The following PLXNA1 variants were observed in gnomAD, a reference collection of about 807,000 sequenced individuals.
PLXNA1 encodes the protein plexin A1.
A neutral mutation model predicts 191.7 loss-of-function variants in PLXNA1; 77 were observed. That is an observed-to-expected ratio of 0.40 (90% confidence interval 0.33 to 0.49). The LOEUF is 0.49. Ranked by LOEUF, PLXNA1 falls within the 20% of genes least tolerant of loss-of-function variation. The probability of loss-of-function intolerance (pLI) is 0.63; values close to 1 mark genes in which losing one functional copy is unlikely to be tolerated. For synonymous variants in PLXNA1, 1,137 were observed against 1,156.4 expected (o/e 0.98, Z 0.34); for missense variants, 2,110 against 2,660.2 (o/e 0.79, Z 4.55).
At chr3:127,023,576 G>T (rs550332891) in intron 23 of PLXNA1, among the ~76,000 whole-genome samples, 1 of 152,190 alleles carries the variant, frequency 6.6e-6, no homozygotes, top group Non-Finnish European at 1.5e-5. Context: ...GAGGGTGGGA[G>T]CTGGCACTGA....
intron 8 of PLXNA1, among the ~76,000 whole-genome samples, chr3:127,006,778 A>G (rs1045303805): frequency 2.0e-5 from 3 of 152,054 alleles, no homozygotes; most frequent in African/African-American, 7.2e-5. Context: ...GGCAGCTGCT[A>G]TGCCTGCTGC....
intron 3 of PLXNA1, among the ~76,000 whole-genome samples, chr3:126,997,764 G>A (rs990209012): frequency 1.3e-5 from 2 of 152,232 alleles, no homozygotes; most frequent in Admixed American, 6.5e-5. Context: ...CATAAGCATC[G>A]CTTCTGCTTC....
rs748029826 is a variant in PLXNA1 at position 127,014,201 on chromosome 3, G to A, written c.2430G>A (p.Pro810=). The change falls in exon 12 of 32, where the codon CCG becomes CCA. Residue 810 remains proline (P), a synonymous_variant. Coordinates refer to ENST00000393409, the MANE Select transcript of PLXNA1 (RefSeq NM_032242.4). The stretch of plus-strand genomic sequence containing the variant: ...CCACAGCGCACCTCTACAAGTGCCC[G>A]GCCCTGCGCGAGAGCTGCGGCCTCT... ...QNIQAHLYKC[P]ALRESCGLCL... The A allele has an allele frequency of 9.3e-6, 15 of 1,608,818 alleles. No individual in the cohort carries two copies. Among genetic ancestry groups the A allele is most frequent in the Middle Eastern group, 1.6e-4 (1 of 6,078 alleles).
intron 30 of PLXNA1, 35 bp downstream of exon 30, chr3:127,032,634 C>CTG (rs773856651): frequency 6.2e-7 from 1 of 1,609,806 alleles, no homozygotes; most frequent in Non-Finnish European, 8.5e-7. Context: ...GGGCAGGGGC[C>CTG]CGGGGGCAGC....
At chr3:127,017,078 TC>T (rs1298983051) in intron 17 of PLXNA1, 41 bp downstream of exon 17, 56 of 1,519,622 alleles carry the variant, frequency 3.7e-5, no homozygotes, top group Non-Finnish European at 4.9e-5. Flanking sequence ...GTCCAGGCCT[TC>T]ACCTGGGATG....
At chr3:126,996,323 A>G (rs906995554) in intron 3 of PLXNA1, among the ~76,000 whole-genome samples, 1 of 151,902 alleles carries the variant, frequency 6.6e-6, no homozygotes, top group African/African-American at 2.4e-5. Flanking sequence ...CCTGCCCCCT[A>G]GAGGCCCCAC....
intron 1 of PLXNA1, among the ~76,000 whole-genome samples, chr3:126,987,943 C>T (rs1046171006): frequency 2.6e-5 from 4 of 151,918 alleles, no homozygotes; most frequent in Non-Finnish European, 5.9e-5. Flanking sequence ...GCCTCCATGT[C>T]CTCCGTGGTG....
rs772380853 is a variant in PLXNA1 at position 127,022,107 on chromosome 3, C to T, written c.4061C>T (p.Ser1354Leu). The change falls in exon 22 of 32, where the codon TCG becomes TTG. Residue 1354 changes from serine to leucine, a missense_variant. Ser to Leu is a moderately radical substitution (Grantham distance 145). Coordinates refer to ENST00000393409, the MANE Select transcript of PLXNA1 (RefSeq NM_032242.4). ...EMEVQANVEK[S>L]LTLFGQLLTK... ...CAGGTGCAGGCCAATGTGGAGAAGT[C>T]GCTGACACTGTTCGGGCAGCTGCTG... 7.4e-6 allele frequency: 12 copies of T among 1,612,952 alleles called. No homozygotes were observed. Among genetic ancestry groups the T allele is most frequent in the Non-Finnish European group, 8.5e-6 (10 of 1,179,890 alleles).
rs1241207176 is a variant in PLXNA1 at position 127,014,841 on chromosome 3, C to T, written c.2877+10C>T. On this transcript the variant is annotated intron_variant, in intron 14 of 31. Coordinates refer to ENST00000393409, the MANE Select transcript of PLXNA1 (RefSeq NM_032242.4). ...GCGCTTCACCTTCGTGGTGAGTCTG[C>T]TGCCCTCCCTCTCTCCCTATTCTCT... 1 of 1,609,798 alleles carries T rather than the reference C, an allele frequency of 6.2e-7. No individual in the cohort carries two copies. Among genetic ancestry groups the T allele is most frequent in the Non-Finnish European group, 8.5e-7 (1 of 1,178,498 alleles).
At chr3:126,995,908 G>A (rs895185013) in intron 3 of PLXNA1, among the ~76,000 whole-genome samples, 1 of 152,170 alleles carries the variant, frequency 6.6e-6, no homozygotes, top group East Asian at 1.9e-4. Context: ...AGCTGACCCC[G>A]ATGAGCCATC....
chr3:127,024,739 G>A (rs141891197), intron 23 of PLXNA1, among the ~76,000 whole-genome samples: 20 of 152,284 alleles, frequency 1.3e-4, no homozygotes, highest in Non-Finnish European at 1.3e-4. Context: ...CGTACTGGGC[G>A]CAAGGACATG....
At position 127,034,049 on chromosome 3, in the gene PLXNA1, CG is replaced by C; in HGVS notation, c.*33del. ...GCTGTGATCATCCAGCATGATGCAG[CG>C]TGAGGACAGCTGAGCAGGGACCGGG... On this transcript the variant is annotated 3_prime_UTR_variant, in exon 32 of 32. Transcript: ENST00000393409. The C allele has an allele frequency of 6.4e-7, 1 of 1,551,310 alleles. No individual in the cohort carries two copies.
intron 3 of PLXNA1, among the ~76,000 whole-genome samples, chr3:126,992,022 A>G (rs754561215): frequency 6.6e-6 from 1 of 152,042 alleles, no homozygotes; most frequent in Non-Finnish European, 1.5e-5. Context: ...CAGCCCCTCT[A>G]CTGGGCCAAG....
At chr3:126,997,021 T>C (rs2079018085) in intron 3 of PLXNA1, among the ~76,000 whole-genome samples, 2 of 152,198 alleles carry the variant, frequency 1.3e-5, no homozygotes, top group South Asian at 2.1e-4. Context: ...GTGACCGCCC[T>C]GGCTGGCTCC....
intron 9 of PLXNA1, 76 bp downstream of exon 9, chr3:127,007,989 C>T (rs979636444): frequency 2.0e-5 from 19 of 957,166 alleles, no homozygotes; most frequent in Middle Eastern, 4.3e-4. Flanking sequence ...ATCTGGGTGT[C>T]GCCTGAGGCC....
At chr3:126,987,562 G>A (rs2078965365) in intron 1 of PLXNA1, among the ~76,000 whole-genome samples, 1 of 152,334 alleles carries the variant, frequency 6.6e-6, no homozygotes, top group South Asian at 2.1e-4. Context: ...GCAGGAGGGG[G>A]CCACACAGGT....
At chr3:126,983,878 G>A (rs1293575454) in intron 1 of PLXNA1, among the ~76,000 whole-genome samples, 2 of 152,066 alleles carry the variant, frequency 1.3e-5, no homozygotes, top group African/African-American at 4.8e-5. Context: ...GCCCCCGGCC[G>A]GCCCTGGGGC....
chr3:127,011,993 C>T lies in PLXNA1; in HGVS notation c.2148C>T (p.Tyr716=), dbSNP rs1474443881. The T allele has an allele frequency of 1.9e-5, 31 of 1,613,620 alleles. No homozygotes were observed. Among genetic ancestry groups the T allele is most frequent in the Admixed American group, 6.7e-5 (4 of 60,014 alleles). Residue 716 remains tyrosine, a synonymous_variant, in exon 10 of 32, where the codon TAC becomes TAT. Transcript: ENST00000393409. ...CPQILPSTQI[Y]VPVGVVKPIT... ...AGATCCTGCCCTCCACGCAGATCTA[C>T]GTGCCAGTGGGAGTGGTAAAACCCA...
Position 127,014,084 on chromosome 3 carries a change from A to G in PLXNA1, c.2378A>G (p.Asn793Ser), listed in dbSNP as rs753258928. The G allele has an allele frequency of 1.2e-6, 2 of 1,613,968 alleles. No individual in the cohort carries two copies. The highest frequency in any genetic ancestry group is 1.1e-5 in the South Asian group (1 of 91,088). ...AACCTGTCAGTCGTGTGGAACGGCA[A>G]CTTTGTCATTGACAACCCACAGAAC... ...PVNLSVVWNG[N>S]FVIDNPQNIQ... The change falls in exon 11 of 32, where the codon AAC (asparagine) becomes AGC (serine). Residue 793 changes from asparagine to serine, a missense_variant. Asn to Ser is a conservative substitution (Grantham distance 46). Transcript: ENST00000393409.
Sources: allele counts gnomAD v4.1 joint callset (sites outside exome capture counted in the v4.1 genomes callset), GRCh38; gene constraint gnomAD v4.1.1; transcripts MANE v1.5; gene names NCBI Gene and HGNC (gene_info 2026-07-23, HGNC 2026-07-21).